The following POSTN variants were observed in gnomAD, a reference collection of about 807,000 sequenced individuals.
POSTN encodes the protein periostin, also known as osteoblast specific factor 2 (fasciclin I-like).
POSTN carries 71 observed loss-of-function variants against 104.5 expected under a neutral mutation model. That is an observed-to-expected ratio of 0.68 (90% CI 0.56 to 0.83). The LOEUF (loss-of-function observed/expected upper bound fraction) is 0.83. Ranked by LOEUF, POSTN falls within the 40% of genes least tolerant of loss-of-function variation. The pLI is 0.00. For synonymous variants in POSTN, 355 were observed against 340.7 expected, an observed-to-expected ratio of 1.04 and a Z score of -0.46; for missense variants, 949 against 1,006.8, an observed-to-expected ratio of 0.94 and a Z score of 0.78.
intron 4 of POSTN, among the ~76,000 whole-genome samples, chr13:37,588,662 G>A (rs1950831670): frequency 6.6e-6 from 1 of 152,176 alleles, no homozygotes; most frequent in Admixed American, 6.6e-5. Flanking sequence ...GAATGGTGTG[G>A]TGGTCTTTTA....
intron 16 of POSTN, among the ~76,000 whole-genome samples, chr13:37,575,165 G>T (rs1456389179): frequency 6.6e-6 from 1 of 151,714 alleles, no homozygotes; most frequent in Non-Finnish European, 1.5e-5. Flanking sequence ...ATACTTAAAA[G>T]TAAGAATAAA....
rs755168868 is a variant in POSTN at position 37,586,274 on chromosome 13, C to T, written c.760G>A (p.Ala254Thr). ...GCCTCCAATATGTCCGATGTGATGG[C>T]AGCTGCCTGAAACACAAATGTGCTT... ...EDDLSSFRAA[A>T]ITSDILEALG... The change falls in exon 7 of 23, where the codon GCC (alanine) becomes ACC (threonine). Residue 254 changes from alanine to threonine, a missense_variant. Ala to Thr is a moderately conservative substitution (Grantham distance 58). Transcript: ENST00000379747. 2 of 1,607,038 alleles carry T rather than the reference C, an allele frequency of 1.2e-6. No homozygotes were observed. Among genetic ancestry groups the T allele is most frequent in the Admixed American group, 1.7e-5 (1 of 57,956 alleles).
intron 2 of POSTN, among the ~76,000 whole-genome samples, chr13:37,595,742 T>A (rs2138409181): frequency 6.6e-6 from 1 of 152,244 alleles, no homozygotes; most frequent in Non-Finnish European, 1.5e-5. Context: ...AGAAACTCTA[T>A]AATATAGCTA....
At chr13:37,590,612 T>C (rs570575350) in intron 3 of POSTN, 83 bp from the exon 4 acceptor site, 106 of 1,170,682 alleles carry the variant, frequency 9.1e-5, no homozygotes, top group Non-Finnish European at 1.2e-4. Flanking sequence ...TATGCTGTGT[T>C]TCCCAAGACA....
chr13:37,580,262 T>C (rs78700344), intron 11 of POSTN, among the ~76,000 whole-genome samples: 6,743 of 152,312 alleles, frequency 0.044, 486 homozygotes, highest in African/African-American at 0.15. Context: ...ATTTTTATCA[T>C]GTAATACTCT....
chr13:37,569,575 A>C (rs749590432), intron 20 of POSTN, 169 bp downstream of exon 20: 1 of 802,084 alleles, frequency 1.2e-6, no homozygotes, highest in African/African-American at 1.7e-5. Flanking sequence ...ACTGTATAAA[A>C]AATATGACTG....
chr13:37,586,166 T>A lies in POSTN; in HGVS notation c.868A>T (p.Ile290Phe). ...EKLPRGVLER[I>F]MGDKVASEAL... ...TCGGAAGCCACTTTGTCTCCCATGA[T>A]CCTTTCTAGGACACCTCGTGGAAGT... Residue 290 changes from isoleucine to phenylalanine, a missense_variant, in exon 7 of 23, where the codon ATC (isoleucine) becomes TTC (phenylalanine). Transcript: ENST00000379747. The A allele has an allele frequency of 6.2e-7, 1 of 1,613,014 alleles. No individual in the cohort carries two copies.
At position 37,572,471 on chromosome 13, in the gene POSTN, G is replaced by A. The variant is rs896689133; in HGVS notation, c.2090-1013C>T. 9.3e-5 allele frequency among the ~76,000 whole-genome samples: 14 copies of A among 151,338 alleles called. No homozygotes were observed. The East Asian group carries it at 1.7e-3, about 19-fold the overall frequency. On this transcript the variant is annotated intron_variant, in intron 17 of 22. Transcript: ENST00000379747. ...ACATAAAGCCAGGTTTTTAAGGTGC[G>A]GTAACTTCAAAAGAAAGGACGCCTA...
At chr13:37,572,970 A>C (rs754797386) in intron 17 of POSTN, among the ~76,000 whole-genome samples, 38 of 151,548 alleles carry the variant, frequency 2.5e-4, no homozygotes, top group Non-Finnish European at 4.9e-4. Context: ...TAGGTGACAC[A>C]ACTCCATTTT....
rs9547952 is a variant in POSTN, at chr13:37,564,552, C to T, written c.2440G>A (p.Val814Met). The change falls in exon 22 of 23, where the codon GTG becomes ATG. Residue 814 changes from valine to methionine, a missense_variant. Transcript: ENST00000379747. ...IKRLLQGDTP[V>M]RKLQANKKVQ... Reference sequence around the variant, plus strand: ...TTTTTGTTGGCTTGCAACTTCCTCACGGGTGTGTCTAAAATTAAATTGTTG... The same window carrying T: ...TTTTTGTTGGCTTGCAACTTCCTCATGGGTGTGTCTAAAATTAAATTGTTG... 98,610 of 1,591,826 alleles carry T rather than the reference C, an allele frequency of 0.062. 3,789 individuals are homozygous for T. The highest frequency in any genetic ancestry group is 0.16 in the Admixed American group (9,537 of 59,124).
chr13:37,575,886 A>G (rs1327404374), intron 16 of POSTN, among the ~76,000 whole-genome samples: 1 of 152,178 alleles, frequency 6.6e-6, no homozygotes, highest in East Asian at 1.9e-4. Context: ...TGGTCTTGCC[A>G]CAGAAGAACC....
In POSTN at chr13:37,586,837, A is replaced by G. The variant is rs755839868; in HGVS notation, c.698T>C (p.Ile233Thr). 3.7e-6 allele frequency: 6 copies of G among 1,613,142 alleles called. No homozygotes were observed. Among genetic ancestry groups the G allele is most frequent in the South Asian group, 3.3e-5 (3 of 91,032 alleles). ...AATGAAGTCTTGAATTGAGGTACCAATTTGTGTAAGCACACGGTCAATGAC... is the reference window on the plus strand; with the variant it reads ...AATGAAGTCTTGAATTGAGGTACCAGTTTGTGTAAGCACACGGTCAATGAC... ...VHVIDRVLTQ[I>T]GTSIQDFIEA... is the part of the protein sequence containing the mutation. Residue 233 changes from isoleucine (I) to threonine (T), a missense_variant, in exon 6 of 23, where the codon ATT (isoleucine) becomes ACT (threonine). By Grantham distance (89) the Ile-to-Thr change is moderately conservative. Transcript: ENST00000379747.
intron 2 of POSTN, among the ~76,000 whole-genome samples, chr13:37,595,047 AT>A (rs34055085): frequency 4.3e-4 from 62 of 144,370 alleles, no homozygotes; most frequent in Middle Eastern, 3.7e-3. Context: ...CAAAGTAGTG[AT>A]TTTTTTTTTT....
Position 37,578,914 on chromosome 13 carries a change from A to C in POSTN, c.1895-3T>G, listed in dbSNP as rs750722087. The C allele has an allele frequency of 6.3e-7, 1 of 1,595,916 alleles. No individual in the cohort carries two copies. Among genetic ancestry groups the C allele is most frequent in the Admixed American group, 1.8e-5 (1 of 55,046 alleles). On this transcript the variant is annotated splice_polypyrimidine_tract_variant and splice_region_variant and intron_variant, in intron 14 of 22. Transcript: ENST00000379747. ...TTGATCATTTCCAACAGGTGTGTCT[A>C]TGAAGAGAAATATTAAATGAATATT...
At chr13:37,564,393 G>T in intron 22 of POSTN, 126 bp downstream of exon 22, 2 of 589,368 alleles carry the variant, frequency 3.4e-6, no homozygotes, top group Non-Finnish European at 6.0e-6. Context: ...ATCAAAACTG[G>T]CTAGCTTTTC....
At chr13:37,588,103 C>A in intron 4 of POSTN, 117 bp from the exon 5 acceptor site, 1 of 808,720 alleles carries the variant, frequency 1.2e-6, no homozygotes, top group Non-Finnish European at 2.0e-6. Context: ...GATGGTCATA[C>A]AAAATTGACA....
chr13:37,571,157 T>G, intron 18 of POSTN: 1 of 452,786 alleles, frequency 2.2e-6, no homozygotes, highest in Non-Finnish European at 3.9e-6. Flanking sequence ...AGTGACTTAA[T>G]AGATAAATTA....
chr13:37,593,864 G>C (rs1348313419), intron 2 of POSTN, among the ~76,000 whole-genome samples: 1 of 151,504 alleles, frequency 6.6e-6, no homozygotes, highest in Non-Finnish European at 1.5e-5. Context: ...TAATTATCTA[G>C]GATTTGTAGT....
chr13:37,580,768 T>A (rs9315504), intron 10 of POSTN, 71 bp from the exon 11 acceptor site: 341,457 of 1,586,718 alleles, frequency 0.22, 42,877 homozygotes, highest in East Asian at 0.67. Context: ...TGTAACTACA[T>A]AATTAAGTTT....
Sources: gnomAD v4.1 joint callset for allele counts (sites outside exome capture counted in the v4.1 genomes callset) on GRCh38, gnomAD v4.1.1 for gene constraint, MANE v1.5 for transcripts, NCBI Gene and HGNC (gene_info 2026-07-23, HGNC 2026-07-21) for gene names.